Variants in CACNA2D3 observed in about 807,000 individuals in gnomAD.
The protein encoded by CACNA2D3 is calcium voltage-gated channel auxiliary subunit alpha2delta 3.
Under a neutral mutation model 160.6 loss-of-function variants are expected in CACNA2D3, and 60 were observed. The observed-to-expected ratio is 0.37, with a 90% CI of 0.30 to 0.46. The LOEUF is 0.46. Among genes scored for constraint, CACNA2D3 ranks in the 20% least tolerant of loss-of-function variants. The probability of loss-of-function intolerance (pLI) is 1.00; values close to 1 mark genes in which losing one functional copy is unlikely to be tolerated. For synonymous variants in CACNA2D3, 558 were observed against 492.9 expected (o/e 1.13, Z -1.75); for missense variants, 1,205 against 1,365.0 (o/e 0.88, Z 1.85).
intron 35 of CACNA2D3, among the ~76,000 whole-genome samples, chr3:55,071,361 G>A (rs113695486): frequency 0.014 from 2,165 of 152,156 alleles, 51 homozygotes; most frequent in African/African-American, 0.049. Flanking sequence ...GGCTTATACT[G>A]GCAGTCATGT....
intron 13 of CACNA2D3, among the ~76,000 whole-genome samples, chr3:54,771,121 C>T (rs1004178474): frequency 6.6e-6 from 1 of 152,078 alleles, no homozygotes; most frequent in East Asian, 1.9e-4. Flanking sequence ...CTCTTAGTGG[C>T]CTCGGGCAGC....
intron 4 of CACNA2D3, among the ~76,000 whole-genome samples, chr3:54,440,445 C>A (rs1167995027): frequency 6.6e-6 from 1 of 151,952 alleles, no homozygotes; most frequent in Non-Finnish European, 1.5e-5. Flanking sequence ...GCAGACTTTT[C>A]AAGGGTAGGA....
rs186782850 is a variant in CACNA2D3, at chr3:54,152,287, C to T, written c.204+28693C>T. Among the ~76,000 whole-genome samples, 223 of 152,340 alleles carry T rather than the reference C, an allele frequency of 1.5e-3. 1 individual carries two copies. The highest frequency in any genetic ancestry group is 5.0e-3 in the African/African-American group (206 of 41,576). On this transcript the variant is annotated intron_variant, in intron 2 of 37. Transcript: ENST00000474759. The stretch of plus-strand genomic sequence containing the variant: ...TTGTGCTGTGGTTGAGTGCGCTACA[C>T]GCCACACCTGTGGATTTCGATCATT...
At chr3:55,002,303 A>G (rs1315067215) in intron 31 of CACNA2D3, among the ~76,000 whole-genome samples, 1 of 152,174 alleles carries the variant, frequency 6.6e-6, no homozygotes, top group Non-Finnish European at 1.5e-5. Flanking sequence ...GCTCTGGCAC[A>G]TGTTTTAGGT....
intron 2 of CACNA2D3, among the ~76,000 whole-genome samples, chr3:54,196,667 T>C (rs1313683459): frequency 6.6e-6 from 1 of 152,236 alleles, no homozygotes; most frequent in Admixed American, 6.5e-5. Flanking sequence ...AAAAGAGTCC[T>C]CATTTAAATT....
At chr3:55,017,945 G>T (rs1703362831) in intron 34 of CACNA2D3, among the ~76,000 whole-genome samples, 1 of 152,202 alleles carries the variant, frequency 6.6e-6, no homozygotes, top group African/African-American at 2.4e-5. Context: ...AGTGACTGAT[G>T]TTGTCCCAGA....
At chr3:54,506,325 C>T (rs933164926) in intron 5 of CACNA2D3, among the ~76,000 whole-genome samples, 4 of 152,236 alleles carry the variant, frequency 2.6e-5, no homozygotes, top group African/African-American at 7.2e-5. Context: ...TTACCCCCAG[C>T]GAAGAAAACC....
intron 4 of CACNA2D3, among the ~76,000 whole-genome samples, chr3:54,489,684 A>G (rs1701076449): frequency 6.6e-6 from 1 of 152,224 alleles, no homozygotes; most frequent in African/African-American, 2.4e-5. Flanking sequence ...TGGCTTTTAG[A>G]GTGAAATGCC....
intron 5 of CACNA2D3, among the ~76,000 whole-genome samples, chr3:54,539,976 T>A (rs565838698): frequency 6.6e-6 from 1 of 152,122 alleles, no homozygotes; most frequent in Admixed American, 6.6e-5. Flanking sequence ...GCCTGGAAAG[T>A]CTGTGGGTAG....
At chr3:54,428,168 A>G (rs1300179955) in intron 4 of CACNA2D3, among the ~76,000 whole-genome samples, 1 of 152,182 alleles carries the variant, frequency 6.6e-6, no homozygotes, top group Non-Finnish European at 1.5e-5. Flanking sequence ...TTCCACTTGA[A>G]TTAAATCAAT....
chr3:54,219,031 A>G (rs151205574), intron 2 of CACNA2D3, among the ~76,000 whole-genome samples: 436 of 152,344 alleles, frequency 2.9e-3, no homozygotes, highest in African/African-American at 0.01. Flanking sequence ...GGATTAGGAC[A>G]TGGACATCTT....
At chr3:54,898,607 A>G (rs1700254309) in intron 26 of CACNA2D3, among the ~76,000 whole-genome samples, 1 of 152,200 alleles carries the variant, frequency 6.6e-6, no homozygotes, top group South Asian at 2.1e-4. Context: ...GAATAATAAC[A>G]TTGTCTTCTG....
At chr3:54,653,650 G>A (rs1299730008) in intron 11 of CACNA2D3, among the ~76,000 whole-genome samples, 4 of 152,210 alleles carry the variant, frequency 2.6e-5, no homozygotes, top group African/African-American at 4.8e-5. Context: ...TGTGACTCCA[G>A]CAAGAAGAAC....
chr3:54,387,970 A>G (rs953622138), intron 4 of CACNA2D3, among the ~76,000 whole-genome samples: 1 of 152,232 alleles, frequency 6.6e-6, no homozygotes, highest in African/African-American at 2.4e-5. Context: ...TCTCTGGAAG[A>G]TGTGTCCTTG....
Position 54,885,580 on chromosome 3 carries a change from C to T in CACNA2D3, c.2050C>T (p.Leu684Phe), listed in dbSNP as rs1214340083. Residue 684 changes from leucine to phenylalanine, a missense_variant, in exon 23 of 38, where the codon CTC becomes TTC. This residue lies in a region of CACNA2D3 where 911 missense variants were observed against 1,002.2 expected (regional missense o/e 0.91). Transcript: ENST00000474759. Reference protein sequence around the residue: ...KLYLKGKEPLLQCDKELIQEV... With the variant: ...KLYLKGKEPLFQCDKELIQEV... ...CTACCTAAAAGGCAAAGAACCTCTG[C>T]TCCAGTGTGAGTATGCTTTCAAAAG... 2 of 1,610,578 alleles carry T rather than the reference C, an allele frequency of 1.2e-6. No individual in the cohort carries two copies. Among genetic ancestry groups the T allele is most frequent in the Non-Finnish European group, 1.7e-6 (2 of 1,177,546 alleles).
At chr3:54,796,164 A>G (rs1363116263) in intron 13 of CACNA2D3, among the ~76,000 whole-genome samples, 8 of 152,124 alleles carry the variant, frequency 5.3e-5, no homozygotes, top group Admixed American at 5.2e-4. Flanking sequence ...TATTCCCTTC[A>G]TTATCCATTA....
intron 2 of CACNA2D3, among the ~76,000 whole-genome samples, chr3:54,242,191 C>T (rs767618211): frequency 3.3e-5 from 5 of 152,218 alleles, no homozygotes; most frequent in South Asian, 4.2e-4. Flanking sequence ...GAGGCTGAGA[C>T]GGGTAGATCA....
rs551101264 is a variant in CACNA2D3 at position 54,503,220 on chromosome 3, G to A, written c.382-272G>A. ...TTTAAAGAATTAAAATGTTTCTAGG[G>A]CAGTTTTCTCTATATGCACATAAGA... On this transcript the variant is annotated intron_variant, in intron 4 of 37. Coordinates refer to ENST00000474759, the MANE Select transcript of CACNA2D3 (RefSeq NM_018398.3). Among the ~76,000 whole-genome samples the A allele has an allele frequency of 1.1e-4, 16 of 152,232 alleles. 1 individual carries two copies. The South Asian group carries it at 3.1e-3, about 30-fold the overall frequency.
intron 35 of CACNA2D3, among the ~76,000 whole-genome samples, chr3:55,066,586 T>C (rs1037329224): frequency 6.6e-6 from 1 of 152,188 alleles, no homozygotes. Context: ...TCTCGGAAGA[T>C]AGTGTGCGGC....
Sources: allele counts gnomAD v4.1 joint callset (sites outside exome capture counted in the v4.1 genomes callset), GRCh38; gene constraint gnomAD v4.1.1; regional missense constraint gnomAD v4.1.1; transcripts MANE v1.5; gene names NCBI Gene and HGNC (gene_info 2026-07-23, HGNC 2026-07-21).